SMCHD1: variants seen among roughly 807,000 people sequenced by gnomAD.
SMCHD1 encodes structural maintenance of chromosomes flexible hinge domain-containing protein 1.
Under a neutral mutation model 254.7 loss-of-function variants are expected in SMCHD1, and 78 were observed. That is an observed-to-expected ratio of 0.31 (90% CI 0.26 to 0.37). The LOEUF is 0.37. Ranked by LOEUF, SMCHD1 falls within the 10% of genes least tolerant of loss-of-function variation. SMCHD1 has a pLI of 1.00. For synonymous variants in SMCHD1, 766 were observed against 794.9 expected (o/e 0.96, Z 0.61); for missense variants, 1,840 against 2,408.1 (o/e 0.76, Z 4.94).
In SMCHD1 at chr18:2,802,629, A is replaced by T; in HGVS notation, c.*77A>T. The T allele has an allele frequency of 7.3e-7, 1 of 1,365,860 alleles. No homozygotes were observed. The highest frequency in any genetic ancestry group is 2.6e-5 in the East Asian group (1 of 38,288). 84.6% of individuals were successfully genotyped at this position (1,365,860 alleles called of 1,614,324 possible). On this transcript the variant is annotated 3_prime_UTR_variant, in exon 48 of 48. Transcript: ENST00000320876. ...TGCATCTCTGTTTCAGAAGACCAAG[A>T]GGGTGACTTACCAGACTGAGTATTT...
At chr18:2,747,906 T>G (rs962971340) in intron 30 of SMCHD1, among the ~76,000 whole-genome samples, 2 of 152,182 alleles carry the variant, frequency 1.3e-5, no homozygotes, top group Non-Finnish European at 2.9e-5. Flanking sequence ...TAGTAAGACT[T>G]GCATTTCAGA....
intron 10 of SMCHD1, among the ~76,000 whole-genome samples, chr18:2,699,012 A>G (rs2074343077): frequency 6.6e-6 from 1 of 152,188 alleles, no homozygotes; most frequent in Non-Finnish European, 1.5e-5. Flanking sequence ...AAGTAATTCT[A>G]GTGAGATTAT....
chr18:2,725,874 A>C (rs2075018287), intron 21 of SMCHD1, among the ~76,000 whole-genome samples: 1 of 151,916 alleles, frequency 6.6e-6, no homozygotes. Flanking sequence ...AATTACTTAC[A>C]AAGGAGTTCG....
At chr18:2,672,551 A>G (rs2073639536) in intron 3 of SMCHD1, among the ~76,000 whole-genome samples, 1 of 152,250 alleles carries the variant, frequency 6.6e-6, no homozygotes, top group African/African-American at 2.4e-5. Flanking sequence ...CATTAATTAC[A>G]GCTTTTGTGG....
At position 2,766,978 on chromosome 18, in the gene SMCHD1, T is replaced by G. The variant is rs185684899; in HGVS notation, c.4720-2716T>G. ...TAACTACATTAAAAGTTACACTTTC[T>G]GCGGGGCACAGTAGCTCATGCCTAT... On this transcript the variant is annotated intron_variant, in intron 37 of 47. Coordinates refer to ENST00000320876, the MANE Select transcript of SMCHD1 (RefSeq NM_015295.3). Among the ~76,000 whole-genome samples the G allele has an allele frequency of 8.5e-4, 129 of 152,310 alleles. 1 individual carries two copies. The highest frequency in any genetic ancestry group is 3.4e-3 in the Middle Eastern group (1 of 294).
At chr18:2,656,724 C>T (rs529977040) in intron 1 of SMCHD1, among the ~76,000 whole-genome samples, 10 of 152,198 alleles carry the variant, frequency 6.6e-5, no homozygotes, top group Non-Finnish European at 1.3e-4. Flanking sequence ...GTCATCTCCC[C>T]CAAGTTCATT....
In SMCHD1 at chr18:2,694,569, C is replaced by T. The variant is rs2074247482; in HGVS notation, c.916C>T (p.Leu306=). 6.2e-7 allele frequency: 1 copy of T among 1,604,716 alleles called. No homozygotes were observed. The highest frequency in any genetic ancestry group is 8.5e-7 in the Non-Finnish European group (1 of 1,174,290). The stretch of plus-strand genomic sequence containing the variant: ...CATTACAAATGATGATGAAAGATTT[C>T]TACATCATCTTATCATAGAGGAGAA... ...VHITNDDERF[L]HHLIIEEKEK... is the part of the protein sequence containing the mutation. The change falls in exon 8 of 48, where the codon CTA becomes TTA. Residue 306 remains leucine (L), a synonymous_variant. Transcript: ENST00000320876.
At chr18:2,750,290 C>A (rs1428228311) in intron 31 of SMCHD1, 60 bp from the exon 32 acceptor site, 1 of 1,523,818 alleles carries the variant, frequency 6.6e-7, no homozygotes, top group Non-Finnish European at 8.9e-7. Context: ...TAAATTGTCT[C>A]AGAATTTTTA....
rs1295414063 is a variant in SMCHD1, at chr18:2,778,327, C to G, written c.5547+88C>G. On this transcript the variant is annotated intron_variant, in intron 44 of 47. Transcript: ENST00000320876. The stretch of plus-strand genomic sequence containing the variant: ...GATGATACATATACAAACGACTAGC[C>G]TTTTCAAAACCAATTTAAATTCTGC... The G allele has an allele frequency of 6.8e-6, 6 of 881,882 alleles. No homozygotes were observed. The Admixed American group carries it at 1.7e-4, about 25-fold the overall frequency. The allele number at this position is 881,882 out of a possible 1,614,324, so 54.6% of individuals were successfully genotyped here. A position where few individuals can be genotyped will look rare whatever the true frequency, so the allele number is the denominator to read the frequency against.
chr18:2,709,431 G>C (rs1598348857), intron 17 of SMCHD1, among the ~76,000 whole-genome samples: 1 of 151,952 alleles, frequency 6.6e-6, no homozygotes, highest in Non-Finnish European at 1.5e-5. Flanking sequence ...GACTTGCTGG[G>C]TCATATTATT....
At position 2,740,833 on chromosome 18, in the gene SMCHD1, T is replaced by C. The variant is rs2075336320; in HGVS notation, c.3633+12T>C. The C allele has an allele frequency of 1.0e-5, 15 of 1,483,358 alleles. No homozygotes were observed. In the East Asian group the frequency reaches 3.4e-4, roughly 34 times the overall value. The allele number at this position is 1,483,358 out of a possible 1,614,324, so 91.9% of individuals were successfully genotyped here. A position where few individuals can be genotyped will look rare whatever the true frequency, so the allele number is the denominator to read the frequency against. On this transcript the variant is annotated intron_variant, in intron 28 of 47. Transcript: ENST00000320876. ...AAACAACCTTTCAGGTATGGCTACTTTCTATACCATTTTGGTTTGATTTAT... is the reference window on the plus strand; with the variant it reads ...AAACAACCTTTCAGGTATGGCTACTCTCTATACCATTTTGGTTTGATTTAT...
intron 8 of SMCHD1, 124 bp downstream of exon 8, chr18:2,694,817 T>C (rs1289501993): frequency 4.1e-6 from 3 of 735,846 alleles, no homozygotes; most frequent in Non-Finnish European, 6.8e-6. Flanking sequence ...TTCCCTTTAG[T>C]ATTATCCAGT....
At chr18:2,785,936 T>C (rs912623284) in intron 45 of SMCHD1, among the ~76,000 whole-genome samples, 19 of 152,234 alleles carry the variant, frequency 1.2e-4, no homozygotes, top group Non-Finnish European at 2.6e-4. Context: ...AGAATGTCCT[T>C]CCTTTGTAAG....
intron 10 of SMCHD1, among the ~76,000 whole-genome samples, chr18:2,698,381 T>A (rs1306320761): frequency 6.6e-6 from 1 of 152,202 alleles, no homozygotes; most frequent in African/African-American, 2.4e-5. Context: ...TACTAACTTT[T>A]TCTTTATGCT....
chr18:2,726,622 G>A (rs1016073298), intron 22 of SMCHD1, 98 bp downstream of exon 22: 3 of 480,810 alleles, frequency 6.2e-6, no homozygotes, highest in Admixed American at 8.3e-5. Flanking sequence ...TAGTAGTGGT[G>A]TAAATCTTGA....
At chr18:2,765,880 G>A (rs1407584635) in intron 37 of SMCHD1, among the ~76,000 whole-genome samples, 2 of 152,130 alleles carry the variant, frequency 1.3e-5, no homozygotes, top group East Asian at 3.8e-4. Flanking sequence ...AAAGGGGAGT[G>A]GGGAGACATA....
At chr18:2,667,139 A>G (rs1428594084) in intron 3 of SMCHD1, 108 bp downstream of exon 3, 6 of 761,234 alleles carry the variant, frequency 7.9e-6, no homozygotes, top group Non-Finnish European at 1.2e-5. Context: ...ACACTTTATT[A>G]GAAGACCACT....
chr18:2,664,016 A>G (rs1192554610), intron 1 of SMCHD1, among the ~76,000 whole-genome samples: 1 of 152,016 alleles, frequency 6.6e-6, no homozygotes, highest in Admixed American at 6.6e-5. Flanking sequence ...CGCCCGGCCT[A>G]TTCCAGGATA....
Position 2,743,826 on chromosome 18 carries a change from T to C in SMCHD1, c.3699T>C (p.Asp1233=), listed in dbSNP as rs2075397494. ...KFIPGPPGNK[D]LCFTWREFSD... Reference sequence around the variant, plus strand: ...TTCCAGGTCCTCCTGGAAATAAGGATCTTTGTTTTACTTGGCGTGAGTTTT... The same window carrying C: ...TTCCAGGTCCTCCTGGAAATAAGGACCTTTGTTTTACTTGGCGTGAGTTTT... The change falls in exon 29 of 48, where the codon GAT becomes GAC. Residue 1233 remains aspartate, a synonymous_variant. Transcript: ENST00000320876. 2 of 1,613,248 alleles carry C rather than the reference T, an allele frequency of 1.2e-6. No individual in the cohort carries two copies. The highest frequency in any genetic ancestry group is 4.5e-5 in the East Asian group (2 of 44,798).
Sources: allele counts gnomAD v4.1 joint callset (sites outside exome capture counted in the v4.1 genomes callset), GRCh38; gene constraint gnomAD v4.1.1; transcripts MANE v1.5; gene names NCBI Gene and HGNC (gene_info 2026-07-23, HGNC 2026-07-21).